The following UBR3 variants were observed in gnomAD, a reference collection of about 807,000 sequenced individuals.
UBR3 encodes E3 ubiquitin-protein ligase UBR3.
In UBR3, 85 loss-of-function variants were observed where a neutral mutation model predicts 243.2. That is an observed-to-expected ratio of 0.35 (90% confidence interval 0.29 to 0.42). The LOEUF is 0.42. UBR3 is among the 10% of genes least tolerant of loss of function. The pLI is 1.00. For synonymous variants in UBR3, 748 were observed against 799.8 expected (o/e 0.94, Z 1.09); for missense variants, 1,686 against 2,300.8 (o/e 0.73, Z 5.47).
intron 36 of UBR3, among the ~76,000 whole-genome samples, chr2:170,075,269 G>A (rs931402188): frequency 6.6e-6 from 1 of 151,892 alleles, no homozygotes; most frequent in African/African-American, 2.4e-5. Flanking sequence ...TTCCTGTCTA[G>A]TAATTTCTTT....
chr2:169,955,793 C>CAAAAAAAAA lies in UBR3; in HGVS notation c.3546-2635_3546-2627dup, dbSNP rs56238118. Among the ~76,000 whole-genome samples, 360 of 78,520 alleles carry CAAAAAAAAA rather than the reference C, an allele frequency of 4.6e-3. 63 individuals carry two copies. Among genetic ancestry groups the CAAAAAAAAA allele is most frequent in the East Asian group, 0.018 (36 of 1,958 alleles). 51.5% of individuals were successfully genotyped at this position (78,520 alleles called of 152,430 possible). On this transcript the variant is annotated intron_variant, in intron 23 of 38. Coordinates refer to ENST00000272793, the MANE Select transcript of UBR3 (RefSeq NM_172070.4). ...TGGGCCATAGAGTGAGACTCCATCT[C>CAAAAAAAAA]AAAAAAAAAAAAAAAAAAGATGTTG...
Position 169,936,438 on chromosome 2 carries a change from TTAA to T in UBR3, c.2663+3432_2663+3434del, listed in dbSNP as rs1421893893. On this transcript the variant is annotated intron_variant, in intron 19 of 38. Coordinates refer to ENST00000272793, the MANE Select transcript of UBR3 (RefSeq NM_172070.4). Reference sequence around the variant, plus strand: ...AGGTACAGCATATTTCTCTGATATATTAATGATAGTTTTCTTATTTTGAAGATT... The same window carrying T: ...AGGTACAGCATATTTCTCTGATATATTGATAGTTTTCTTATTTTGAAGATT... 2.0e-5 allele frequency among the ~76,000 whole-genome samples: 3 copies of T among 152,242 alleles called. No individual in the cohort carries two copies. The East Asian group carries it at 5.8e-4, about 29-fold the overall frequency.
chr2:170,010,891 A>T (rs190599154), intron 29 of UBR3, among the ~76,000 whole-genome samples: 1 of 139,394 alleles, frequency 7.2e-6, no homozygotes, highest in East Asian at 2.2e-4. Context: ...AAGGCTGGGC[A>T]TGGTGGCTCA....
rs555257048 is a variant in UBR3 at position 169,895,281 on chromosome 2, A to G, written c.1206A>G (p.Leu402=). 6.2e-5 allele frequency: 96 copies of G among 1,545,394 alleles called. No homozygotes were observed. In the African/African-American group the frequency reaches 1.2e-3, roughly 20 times the overall value. Residue 402 remains leucine (L), a synonymous_variant, in exon 7 of 39, where the codon TTA becomes TTG. Transcript: ENST00000272793. ...TCCCTCAAAAGATGGTAACTTTCTT[A>G]CTCAACATGCTTCCAGATCAAGAGT... ...YEFPQKMVTF[L]LNMLPDQEYK...
At chr2:170,069,244 T>TA (rs2091644979) in intron 35 of UBR3, among the ~76,000 whole-genome samples, 1 of 152,124 alleles carries the variant, frequency 6.6e-6, no homozygotes, top group Non-Finnish European at 1.5e-5. Context: ...ATAGAAAGGA[T>TA]AGTACACTAT....
chr2:169,928,896 T>C, intron 18 of UBR3, 28 bp downstream of exon 18: 1 of 1,350,918 alleles, frequency 7.4e-7, no homozygotes, highest in Non-Finnish European at 9.7e-7. Context: ...AATGGACTCT[T>C]TCAAATATCA....
At chr2:170,020,076 T>C (rs527599879) in intron 30 of UBR3, among the ~76,000 whole-genome samples, 1 of 152,192 alleles carries the variant, frequency 6.6e-6, no homozygotes, top group Non-Finnish European at 1.5e-5. Flanking sequence ...CCACTATGCC[T>C]GGGCTAAAAT....
intron 2 of UBR3, among the ~76,000 whole-genome samples, chr2:169,874,071 T>A (rs993086377): frequency 2.0e-5 from 3 of 152,200 alleles, no homozygotes; most frequent in Non-Finnish European, 4.4e-5. Context: ...AAGCATTTTT[T>A]ATCTAAAGAT....
intron 22 of UBR3, among the ~76,000 whole-genome samples, chr2:169,949,177 T>C (rs1011007173): frequency 3.9e-5 from 6 of 152,070 alleles, no homozygotes; most frequent in African/African-American, 1.4e-4. Flanking sequence ...AGAAAATTTT[T>C]TTAAAAACTA....
rs1234125111 is a variant in UBR3 at position 169,946,280 on chromosome 2, T to G, written c.2806-8T>G. On this transcript the variant is annotated splice_polypyrimidine_tract_variant and splice_region_variant and intron_variant, in intron 20 of 38. Coordinates refer to ENST00000272793, the MANE Select transcript of UBR3 (RefSeq NM_172070.4). Reference sequence around the variant, plus strand: ...GTAATTATGAGGCATTTTCTTCCCTTTTTAAAGATTTTGATGGATCATCAA... The same window carrying G: ...GTAATTATGAGGCATTTTCTTCCCTGTTTAAAGATTTTGATGGATCATCAA... 6.9e-7 allele frequency: 1 copy of G among 1,449,812 alleles called. No individual in the cohort carries two copies. Among genetic ancestry groups the G allele is most frequent in the Non-Finnish European group, 9.2e-7 (1 of 1,089,616 alleles). The allele number at this position is 1,449,812 out of a possible 1,614,324, so 89.8% of individuals were successfully genotyped here.
At chr2:169,964,772 G>A in intron 24 of UBR3, 2 of 431,764 alleles carry the variant, frequency 4.6e-6, no homozygotes. Context: ...AATGTCATAA[G>A]TGCAAAGTTA....
intron 5 of UBR3, among the ~76,000 whole-genome samples, chr2:169,886,121 C>T (rs901475811): frequency 1.3e-5 from 2 of 149,070 alleles, no homozygotes; most frequent in Admixed American, 6.7e-5. Context: ...CGCGCCACTG[C>T]ACCCCAGCCT....
Position 169,947,649 on chromosome 2 carries a change from G to C in UBR3, c.3018G>C (p.Glu1006Asp). ...ACTATGTTAGAGTAAGAGTTCCAGAGACTGCTCCTGAAGTAAAGAGAGACT... is the reference window on the plus strand; with the variant it reads ...ACTATGTTAGAGTAAGAGTTCCAGACACTGCTCCTGAAGTAAAGAGAGACT... ...FINYVRVRVP[E>D]TAPEVKRDSP... The change falls in exon 22 of 39, where the codon GAG becomes GAC. Residue 1006 changes from glutamate (E) to aspartate (D), a missense_variant. Coordinates refer to ENST00000272793, the MANE Select transcript of UBR3 (RefSeq NM_172070.4). 9 of 1,541,508 alleles carry C rather than the reference G, an allele frequency of 5.8e-6. No homozygotes were observed. The highest frequency in any genetic ancestry group is 7.0e-6 in the Non-Finnish European group (8 of 1,142,232).
rs2085001750 is a variant in UBR3 at position 169,906,172 on chromosome 2, G to A, written c.1779+8G>A. 6.6e-7 allele frequency: 1 copy of A among 1,523,642 alleles called. No homozygotes were observed. The highest frequency in any genetic ancestry group is 2.5e-5 in the East Asian group (1 of 40,358). 94.4% of individuals were successfully genotyped at this position (1,523,642 alleles called of 1,614,324 possible). The stretch of plus-strand genomic sequence containing the variant: ...TCACATTGTAAAGTTAGGGTATGTT[G>A]GAAATATTTTTGTTAATTTCTGTGT... On this transcript the variant is annotated splice_region_variant and intron_variant, in intron 10 of 38. Coordinates refer to ENST00000272793, the MANE Select transcript of UBR3 (RefSeq NM_172070.4).
chr2:170,017,213 AAATCT>A (rs959030774), intron 30 of UBR3, among the ~76,000 whole-genome samples: 6 of 151,916 alleles, frequency 3.9e-5, no homozygotes, highest in Non-Finnish European at 8.8e-5. Flanking sequence ...TAAAAAAAAA[AAATCT>A]ATCTTTTTTC....
At chr2:169,906,753 GGGTTCTA>G (rs2085025809) in intron 10 of UBR3, among the ~76,000 whole-genome samples, 1 of 152,052 alleles carries the variant, frequency 6.6e-6, no homozygotes, top group Admixed American at 6.6e-5. Flanking sequence ...TTGAAGCCCT[GGGTTCTA>G]GTTTTGACTC....
intron 1 of UBR3, among the ~76,000 whole-genome samples, chr2:169,840,481 G>A (rs1044685633): frequency 1.1e-4 from 17 of 152,166 alleles, no homozygotes; most frequent in Admixed American, 1.1e-3. Context: ...ACCTCTCACC[G>A]GTTGGAATCA....
chr2:169,833,005 A>C (rs574642455), intron 1 of UBR3, among the ~76,000 whole-genome samples: 46 of 151,890 alleles, frequency 3.0e-4, no homozygotes, highest in Non-Finnish European at 5.4e-4. Context: ...TCTAAAATAC[A>C]CTCGTTCCTC....
Position 169,828,063 on chromosome 2 carries a change from C to A in UBR3, c.545+11C>A. On this transcript the variant is annotated intron_variant, in intron 1 of 38. Transcript: ENST00000272793. ...GATGCGGGAGAGCGGGTGAGTGGAG[C>A]CCTCCCCGCGGGCGAGGCGACCCTG... 2 of 1,363,400 alleles carry A rather than the reference C, an allele frequency of 1.5e-6. No individual in the cohort carries two copies. Among genetic ancestry groups the A allele is most frequent in the Non-Finnish European group, 1.9e-6 (2 of 1,055,526 alleles). The allele number at this position is 1,363,400 out of a possible 1,614,324, so 84.5% of individuals were successfully genotyped here. A position where few individuals can be genotyped will look rare whatever the true frequency, so the allele number is the denominator to read the frequency against.
Sources: allele counts gnomAD v4.1 joint callset (sites outside exome capture counted in the v4.1 genomes callset), GRCh38; gene constraint gnomAD v4.1.1; transcripts MANE v1.5; gene names NCBI Gene and HGNC (gene_info 2026-07-23, HGNC 2026-07-21).